FA2H: variants seen among roughly 807,000 people sequenced by gnomAD.
The protein encoded by FA2H is fatty acid 2-hydroxylase, also known as fatty acid alpha-hydroxylase.
Under a neutral mutation model 44.9 loss-of-function variants are expected in FA2H, and 22 were observed. The observed-to-expected ratio is 0.49, with a 90% confidence interval of 0.35 to 0.70. The LOEUF is 0.70. Among genes scored for constraint, FA2H ranks in the 30% least tolerant of loss-of-function variants. The pLI is 0.01. For synonymous variants in FA2H, 243 were observed against 213.2 expected (o/e 1.14, Z -1.22); for missense variants, 501 against 504.9 (o/e 0.99, Z 0.07).
In FA2H at chr16:74,727,268, A is replaced by G; in HGVS notation, c.482T>C (p.Ile161Thr). 2 of 1,614,088 alleles carry G rather than the reference A, an allele frequency of 1.2e-6. No homozygotes were observed. Among genetic ancestry groups the G allele is most frequent in the South Asian group, 1.1e-5 (1 of 91,090 alleles). The change falls in exon 3 of 7, where the codon ATT becomes ACT. Residue 161 changes from isoleucine to threonine, a missense_variant. By Grantham distance (89) the Ile-to-Thr change is moderately conservative (BLOSUM62 -1). Coordinates refer to ENST00000219368, the MANE Select transcript of FA2H (RefSeq NM_024306.5). Reference sequence around the variant, plus strand: ...CCAGACAGTCTTAGAGAGGCCCTCAATGAGGTCTGAGTGGAAGAGGCGGAT... The same window carrying G: ...CCAGACAGTCTTAGAGAGGCCCTCAGTGAGGTCTGAGTGGAAGAGGCGGAT... ...RPIRLFHSDL[I>T]EGLSKTVWYS...
At position 74,714,287 on chromosome 16, in the gene FA2H, C is replaced by A; in HGVS notation, c.1040-18G>T. 1.3e-6 allele frequency: 2 copies of A among 1,510,592 alleles called. No individual in the cohort carries two copies. Among genetic ancestry groups the A allele is most frequent in the Non-Finnish European group, 1.8e-6 (2 of 1,108,548 alleles). The allele number at this position is 1,510,592 out of a possible 1,614,324, so 93.6% of individuals were successfully genotyped here. A position where few individuals can be genotyped will look rare whatever the true frequency, so the allele number is the denominator to read the frequency against. On this transcript the variant is annotated intron_variant, in intron 6 of 6. Coordinates refer to ENST00000219368, the MANE Select transcript of FA2H (RefSeq NM_024306.5). Reference sequence around the variant, plus strand: ...ACCAAATCCTAGAGAGGGAGACAAACGGGGAGAAGATGAGGCATTGAAGGA... The same window carrying A: ...ACCAAATCCTAGAGAGGGAGACAAAAGGGGAGAAGATGAGGCATTGAAGGA...
intron 6 of FA2H, 147 bp from the exon 7 acceptor site, chr16:74,714,416 G>C: frequency 1.4e-6 from 1 of 692,842 alleles, no homozygotes; most frequent in Non-Finnish European, 2.7e-6. Context: ...GGCCATTCTG[G>C]CAGAAGTCAA....
At chr16:74,749,684 G>A in intron 1 of FA2H, among the ~76,000 whole-genome samples, 1 of 152,106 alleles carries the variant, frequency 6.6e-6, no homozygotes. Context: ...AGGGGCCAGT[G>A]GTTTGAAAAA....
chr16:74,773,946 A>C (rs889234381), intron 1 of FA2H, among the ~76,000 whole-genome samples: 1 of 152,222 alleles, frequency 6.6e-6, no homozygotes, highest in African/African-American at 2.4e-5. Flanking sequence ...AGTCCACCCC[A>C]GACATGGCCC....
chr16:74,728,753 T>C (rs1962008376), intron 2 of FA2H, among the ~76,000 whole-genome samples: 1 of 151,886 alleles, frequency 6.6e-6, no homozygotes, highest in African/African-American at 2.4e-5. Context: ...TTCTATTTAT[T>C]TGTGTTTGTA....
intron 1 of FA2H, among the ~76,000 whole-genome samples, chr16:74,748,972 C>G (rs1196054297): frequency 2.6e-5 from 4 of 152,138 alleles, no homozygotes; most frequent in Admixed American, 2.6e-4. Flanking sequence ...GTGGGGGGTC[C>G]AGGTGTCGCA....
At chr16:74,727,045 T>C (rs1961974568) in intron 3 of FA2H, among the ~76,000 whole-genome samples, 199 bp downstream of exon 3, 1 of 152,244 alleles carries the variant, frequency 6.6e-6, no homozygotes, top group Non-Finnish European at 1.5e-5. Flanking sequence ...TCTGGCTACA[T>C]GCTGGGTTGT....
intron 1 of FA2H, among the ~76,000 whole-genome samples, chr16:74,743,185 TACA>T (rs1190514958): frequency 6.6e-6 from 1 of 152,196 alleles, no homozygotes; most frequent in Non-Finnish European, 1.5e-5. Flanking sequence ...GCAGAACAAT[TACA>T]ACAACATTCT....
chr16:74,756,317 G>T (rs924105633), intron 1 of FA2H, among the ~76,000 whole-genome samples: 3 of 152,074 alleles, frequency 2.0e-5, no homozygotes, highest in African/African-American at 7.2e-5. Context: ...CCCCATGCCC[G>T]CATCCCCTGG....
intron 4 of FA2H, among the ~76,000 whole-genome samples, 181 bp from the exon 5 acceptor site, chr16:74,719,341 G>A (rs372699585): frequency 4.6e-5 from 7 of 152,322 alleles, no homozygotes; most frequent in African/African-American, 1.4e-4. Context: ...TAGGACTCTG[G>A]TCTGGGTCTG....
chr16:74,727,103 G>A, intron 3 of FA2H, 141 bp downstream of exon 3: 2 of 1,164,366 alleles, frequency 1.7e-6, no homozygotes, highest in Non-Finnish European at 1.2e-6. Context: ...TTATTCCCAT[G>A]GCATGTTCCT....
chr16:74,730,040 C>T (rs2144621011), intron 2 of FA2H, among the ~76,000 whole-genome samples: 1 of 152,274 alleles, frequency 6.6e-6, no homozygotes, highest in Middle Eastern at 3.4e-3. Flanking sequence ...GCTGCAATCT[C>T]ATCCTTGTAC....
At chr16:74,726,617 C>G (rs1961963144) in intron 3 of FA2H, among the ~76,000 whole-genome samples, 1 of 152,190 alleles carries the variant, frequency 6.6e-6, no homozygotes, top group Non-Finnish European at 1.5e-5. Flanking sequence ...GAACTCCTGA[C>G]CTCAGGTGAT....
intron 2 of FA2H, among the ~76,000 whole-genome samples, chr16:74,730,501 G>A (rs975400364): frequency 1.3e-5 from 2 of 152,132 alleles, no homozygotes; most frequent in African/African-American, 4.8e-5. Flanking sequence ...CATTGGAAGT[G>A]TGCTGTCTCA....
At chr16:74,730,501 G>C (rs975400364) in intron 2 of FA2H, among the ~76,000 whole-genome samples, 3 of 152,132 alleles carry the variant, frequency 2.0e-5, no homozygotes, top group African/African-American at 7.2e-5. Flanking sequence ...CATTGGAAGT[G>C]TGCTGTCTCA....
At chr16:74,726,172 G>T in intron 4 of FA2H, 53 bp downstream of exon 4, 1 of 1,233,940 alleles carries the variant, frequency 8.1e-7, no homozygotes, top group South Asian at 1.2e-5. Context: ...AAAGCACTGA[G>T]GTCTCCTCCC....
chr16:74,718,924 G>A lies in FA2H; in HGVS notation c.786+64C>T, dbSNP rs191369932. 567 of 1,584,192 alleles carry A rather than the reference G, an allele frequency of 3.6e-4. No individual in the cohort carries two copies. The African/African-American group carries it at 7.0e-3, about 19-fold the overall frequency. On this transcript the variant is annotated intron_variant, in intron 5 of 6. Transcript: ENST00000219368. Reference sequence around the variant, plus strand: ...AGGCTCCGCAGCACCTGAAGCTGCGGCTGGCTGCCGGGCCCTCTCGGGCTG... The same window carrying A: ...AGGCTCCGCAGCACCTGAAGCTGCGACTGGCTGCCGGGCCCTCTCGGGCTG...
In FA2H at chr16:74,716,475, C is replaced by T; in HGVS notation, c.911G>A (p.Gly304Asp). 6.2e-7 allele frequency: 1 copy of T among 1,613,698 alleles called. No individual in the cohort carries two copies. Among genetic ancestry groups the T allele is most frequent in the South Asian group, 1.1e-5 (1 of 91,056 alleles). Residue 304 changes from glycine (G) to aspartate (D), a missense_variant, in exon 6 of 7, where the codon GGC (glycine) becomes GAC (aspartate). Physicochemically the swap from Gly to Asp is moderately conservative, Grantham distance 94. Coordinates refer to ENST00000219368, the MANE Select transcript of FA2H (RefSeq NM_024306.5). ...EAVGGTVFAGGLLGYVLYDMT... is the reference protein window; with the variant it reads ...EAVGGTVFAGDLLGYVLYDMT... ...GTCATAGAGGACGTAGCCCAGGAGG[C>T]CCCCCGCAAACACAGTGCCCCCTAC...
At chr16:74,733,630 G>C (rs140682039) in intron 2 of FA2H, among the ~76,000 whole-genome samples, 1 of 152,356 alleles carries the variant, frequency 6.6e-6, no homozygotes, top group East Asian at 1.9e-4. Flanking sequence ...CCTCTCACTT[G>C]CTGGTCGTTT....
Sources: gnomAD v4.1 joint callset for allele counts (sites outside exome capture counted in the v4.1 genomes callset) on GRCh38, gnomAD v4.1.1 for gene constraint, MANE v1.5 for transcripts, NCBI Gene and HGNC (gene_info 2026-07-23, HGNC 2026-07-21) for gene names.